SASH1: variants seen among roughly 807,000 people sequenced by gnomAD.
SASH1 encodes the protein SAM and SH3 domain containing 1, also known as SAM and SH3 domain-containing protein 1.
SASH1 carries 44 observed loss-of-function variants against 125.2 expected under a neutral mutation model. The ratio of observed to expected loss-of-function variants is 0.35; its 90% CI spans 0.28 to 0.45. The LOEUF (loss-of-function observed/expected upper bound fraction) is 0.45. Ranked by LOEUF, SASH1 falls within the 20% of genes least tolerant of loss-of-function variation. The probability of loss-of-function intolerance (pLI) is 1.00; values close to 1 mark genes in which losing one functional copy is unlikely to be tolerated. For synonymous variants in SASH1, 639 were observed against 649.1 expected (o/e 0.98, Z 0.24); for missense variants, 1,426 against 1,614.5 (o/e 0.88, Z 2.00).
chr6:148,266,797 A>G, the SASH1 span, among the ~76,000 whole-genome samples: 1 of 150,922 alleles, frequency 6.6e-6, no homozygotes, highest in African/African-American at 2.4e-5. Flanking sequence ...TTTTTGGTAG[A>G]GATGATGTCT....
chr6:148,327,667 G>A (rs1323424858), intron 1 of SASH1, among the ~76,000 whole-genome samples: 1 of 150,398 alleles, frequency 6.6e-6, no homozygotes, highest in Non-Finnish European at 1.5e-5. Context: ...GTGGCCAGGT[G>A]CAGTGGCTCA....
At chr6:148,294,446 C>T (rs1186483400) in intron 1 of SASH1, among the ~76,000 whole-genome samples, 1 of 152,176 alleles carries the variant, frequency 6.6e-6, no homozygotes, top group East Asian at 1.9e-4. Context: ...GATCCTTCCT[C>T]ACCAGAATGA....
chr6:148,524,117 A>ATTT (rs200904196), intron 10 of SASH1, among the ~76,000 whole-genome samples: 10 of 95,284 alleles, frequency 1.0e-4, no homozygotes, highest in African/African-American at 3.9e-4. Flanking sequence ...ATATATATAT[A>ATTT]TATATTTTTT....
At chr6:148,242,352 A>AT in the SASH1 span, among the ~76,000 whole-genome samples, 3 of 152,202 alleles carry the variant, frequency 2.0e-5, no homozygotes, top group South Asian at 2.1e-4. Flanking sequence ...GCAAAGTTCC[A>AT]TTTTTTCTTG....
At position 148,529,578 on chromosome 6, in the gene SASH1, A is replaced by C. The variant is rs963376199; in HGVS notation, c.1429-1948A>C. Among the ~76,000 whole-genome samples, 1 of 122,894 alleles carries C rather than the reference A, an allele frequency of 8.1e-6. No homozygotes were observed. Among genetic ancestry groups the C allele is most frequent in the African/African-American group, 3.2e-5 (1 of 31,160 alleles). 80.6% of individuals were successfully genotyped at this position (122,894 alleles called of 152,430 possible). On this transcript the variant is annotated intron_variant, in intron 12 of 19. Transcript: ENST00000367467. This position sits in a 1 kb window ranked among gnomAD's most constrained non-coding sequence, Gnocchi z 4.2. ...ATTGAAACAGCCACTAAAACTCTTA[A>C]GCTTTACGTTCACAGAGGTTTTCTG...
chr6:148,353,479 C>T (rs937527400), intron 1 of SASH1, among the ~76,000 whole-genome samples: 8 of 143,162 alleles, frequency 5.6e-5, no homozygotes, highest in African/African-American at 1.0e-4. Flanking sequence ...CTGTCTCCCA[C>T]GCTGGAGTGC....
At chr6:148,214,892 A>T in the SASH1 span, among the ~76,000 whole-genome samples, 3 of 151,932 alleles carry the variant, frequency 2.0e-5, no homozygotes, top group Non-Finnish European at 4.4e-5. Context: ...GGAGACAAAG[A>T]AAATGACTGT....
intron 1 of SASH1, among the ~76,000 whole-genome samples, chr6:148,285,516 T>C (rs1229185774): frequency 6.6e-6 from 1 of 152,188 alleles, no homozygotes; most frequent in Non-Finnish European, 1.5e-5. Context: ...TTGTCCAGTA[T>C]TGATGCTGCC....
chr6:148,450,794 TGA>T (rs1322187222), intron 4 of SASH1, among the ~76,000 whole-genome samples: 1 of 152,104 alleles, frequency 6.6e-6, no homozygotes, highest in African/African-American at 2.4e-5. Flanking sequence ...CAATCCATTC[TGA>T]GTGTCATTAT....
At chr6:148,453,962 C>T (rs535644336) in intron 4 of SASH1, among the ~76,000 whole-genome samples, 70 of 152,290 alleles carry the variant, frequency 4.6e-4, no homozygotes, top group African/African-American at 1.6e-3. Context: ...GCTGCACAGG[C>T]CAGGTGAGGC....
At chr6:148,224,983 G>T in the SASH1 span, among the ~76,000 whole-genome samples, 2 of 152,200 alleles carry the variant, frequency 1.3e-5, no homozygotes, top group Non-Finnish European at 2.9e-5. Context: ...TGTGGGAGAA[G>T]TGGTTCCCAA....
Position 148,532,922 on chromosome 6 carries a change from G to A in SASH1, c.1690G>A (p.Asp564Asn), listed in dbSNP as rs767342327. Residue 564 changes from aspartate (D) to asparagine (N), a missense_variant, in exon 14 of 20, where the codon GAC (aspartate) becomes AAC (asparagine). This residue lies in a region of SASH1 where 225 missense variants were observed against 344.5 expected (regional missense o/e 0.65). Coordinates refer to ENST00000367467, the MANE Select transcript of SASH1 (RefSeq NM_015278.5). This position sits in a 1 kb window ranked among gnomAD's most constrained non-coding sequence, Gnocchi z 4.7. ...CTGCGGGCGTGCCAGGGTGCACACC[G>A]ACTTCACCCCCAGTCCCTATGACAC... ...PFCGRARVHT[D>N]FTPSPYDTDS... 40 of 1,614,052 alleles carry A rather than the reference G, an allele frequency of 2.5e-5. No homozygotes were observed. Among genetic ancestry groups the A allele is most frequent in the Non-Finnish European group, 3.1e-5 (37 of 1,180,042 alleles).
chr6:148,194,288 T>C, the SASH1 span, among the ~76,000 whole-genome samples: 8 of 152,184 alleles, frequency 5.3e-5, no homozygotes, highest in South Asian at 2.1e-4. Flanking sequence ...AAACAACCCA[T>C]AGTCTGGCTA....
At chr6:148,264,384 A>G in the SASH1 span, among the ~76,000 whole-genome samples, 21 of 152,294 alleles carry the variant, frequency 1.4e-4, no homozygotes, top group East Asian at 4.1e-3. Flanking sequence ...TCTAACAAGT[A>G]TTGCTTGGGA....
chr6:148,331,511 A>T (rs1464656364), intron 1 of SASH1, among the ~76,000 whole-genome samples: 1 of 151,954 alleles, frequency 6.6e-6, no homozygotes, highest in African/African-American at 2.4e-5. Flanking sequence ...TTGTATTTTC[A>T]GTAGAGACAG....
At chr6:148,235,239 G>A in the SASH1 span, among the ~76,000 whole-genome samples, 1 of 152,096 alleles carries the variant, frequency 6.6e-6, no homozygotes, top group Non-Finnish European at 1.5e-5. Context: ...GGGGGTTGTA[G>A]GTAGATTAAC....
chr6:148,336,874 C>T (rs1038385641), intron 1 of SASH1, among the ~76,000 whole-genome samples: 2 of 152,158 alleles, frequency 1.3e-5, no homozygotes, highest in South Asian at 2.1e-4. Context: ...GTTTTGTCTT[C>T]GCAGGGATTC....
chr6:148,519,832 A>T lies in SASH1; in HGVS notation c.1148A>T (p.Lys383Ile). The change falls in exon 10 of 20, where the codon AAA (lysine) becomes ATA (isoleucine). Residue 383 changes from lysine to isoleucine, a missense_variant. Transcript: ENST00000367467. The surrounding 1 kb of genome is among the most constrained non-coding windows in gnomAD (Gnocchi z 4.8). ...TACCCAGAAGAAGAAAAGGCCCAGAAAGTGTCCCGCTCCCTCACCGAGGGG... is the reference window on the plus strand; with the variant it reads ...TACCCAGAAGAAGAAAAGGCCCAGATAGTGTCCCGCTCCCTCACCGAGGGG... ...FSYPEEEKAQ[K>I]VSRSLTEGEM... 2 of 1,611,316 alleles carry T rather than the reference A, an allele frequency of 1.2e-6. No homozygotes were observed. Among genetic ancestry groups the T allele is most frequent in the Non-Finnish European group, 8.5e-7 (1 of 1,178,890 alleles).
intron 4 of SASH1, among the ~76,000 whole-genome samples, chr6:148,449,760 G>A (rs754885945): frequency 2.0e-5 from 3 of 152,188 alleles, no homozygotes; most frequent in South Asian, 4.1e-4. Context: ...TCAAGAGCAT[G>A]GCCCTGGCTT....
Sources: gnomAD v4.1 joint callset for allele counts (sites outside exome capture counted in the v4.1 genomes callset) on GRCh38, gnomAD v4.1.1 for gene constraint, gnomAD v4.1.1 regional missense constraint, Gnocchi (gnomAD v3.1) non-coding constraint, MANE v1.5 for transcripts, NCBI Gene and HGNC (gene_info 2026-07-23, HGNC 2026-07-21) for gene names.